The following C5orf22 variants were observed in gnomAD, a reference collection of about 807,000 sequenced individuals.
C5orf22 encodes the protein chromosome 5 open reading frame 22.
In C5orf22, 36 loss-of-function variants were observed where a neutral mutation model predicts 48.7. The observed-to-expected ratio is 0.74, with a 90% CI of 0.57 to 0.98. The LOEUF (loss-of-function observed/expected upper bound fraction) is 0.98, where lower values mean the gene tolerates loss of function less well. Ranked by LOEUF, C5orf22 falls within the 50% of genes least tolerant of loss-of-function variation. The pLI is 0.00. For missense variants in C5orf22, 486 were observed against 521.9 expected (o/e 0.93, Z 0.67); for synonymous variants, 141 against 180.8 (o/e 0.78, Z 1.76).
intron 6 of C5orf22, among the ~76,000 whole-genome samples, chr5:31,545,350 A>C (rs1742798331): frequency 6.6e-6 from 1 of 152,132 alleles, no homozygotes; most frequent in South Asian, 2.1e-4. Context: ...GAGCCACCGC[A>C]CCTGGCCTCA....
At position 31,551,370 on chromosome 5, in the gene C5orf22, T is replaced by G. The variant is rs773978943; in HGVS notation, c.1137T>G (p.Leu379=). The G allele has an allele frequency of 1.9e-6, 3 of 1,613,820 alleles. No homozygotes were observed. The highest frequency in any genetic ancestry group is 1.7e-6 in the Non-Finnish European group (2 of 1,179,914). ...HISTEQEIEC[L]IQSVHYLLKN... ...GCACAGAACAAGAAATAGAGTGTCTTATTCAATCTGTGCATTATTTGCTGA... is the reference window on the plus strand; with the variant it reads ...GCACAGAACAAGAAATAGAGTGTCTGATTCAATCTGTGCATTATTTGCTGA... Residue 379 remains leucine (L), a synonymous_variant, in exon 8 of 9, where the codon CTT becomes CTG. Transcript: ENST00000325366.
intron 3 of C5orf22, among the ~76,000 whole-genome samples, chr5:31,537,728 T>C (rs1742185993): frequency 6.6e-6 from 1 of 152,230 alleles, no homozygotes; most frequent in South Asian, 2.1e-4. Flanking sequence ...TTCAATGATT[T>C]TTTGGATAAA....
intron 7 of C5orf22, among the ~76,000 whole-genome samples, chr5:31,549,221 A>C (rs1279537455): frequency 6.6e-6 from 1 of 152,116 alleles, no homozygotes; most frequent in Non-Finnish European, 1.5e-5. Flanking sequence ...CTCTGTCTCA[A>C]AAAAAGTAAA....
chr5:31,541,198 G>T, intron 5 of C5orf22, 83 bp from the exon 6 acceptor site: 5 of 1,451,880 alleles, frequency 3.4e-6, no homozygotes, highest in Non-Finnish European at 4.7e-6. Flanking sequence ...TTAACTAATA[G>T]AGCCAAGTTT....
intron 7 of C5orf22, 137 bp downstream of exon 7, chr5:31,545,849 A>ATGTATG: frequency 1.7e-6 from 1 of 577,086 alleles, no homozygotes; most frequent in Non-Finnish European, 3.0e-6. Flanking sequence ...AAGAAAAGAA[A>ATGTATG]TGAGTGAAAA....
chr5:31,547,254 C>T (rs1742951503), intron 7 of C5orf22, among the ~76,000 whole-genome samples: 1 of 152,248 alleles, frequency 6.6e-6, no homozygotes, highest in South Asian at 2.1e-4. Context: ...TTGTCTTGGG[C>T]AGTTCTGCCC....
In C5orf22 at chr5:31,552,827, G is replaced by A. The variant is rs370836766; in HGVS notation, c.1254G>A (p.Lys418=). ...ACCAAGTTGACACTATTCAAGAAAAGGTCCTCAATATGCTACGTGCCCTCT... is the reference window on the plus strand; with the variant it reads ...ACCAAGTTGACACTATTCAAGAAAAAGTCCTCAATATGCTACGTGCCCTCT... ...PSDQVDTIQE[K]VLNMLRALYG... The change falls in exon 9 of 9, where the codon AAG becomes AAA. Residue 418 remains lysine, a synonymous_variant. Coordinates refer to ENST00000325366, the MANE Select transcript of C5orf22 (RefSeq NM_018356.3). 19 of 1,613,478 alleles carry A rather than the reference G, an allele frequency of 1.2e-5. No individual in the cohort carries two copies. In the African/African-American group the frequency reaches 1.5e-4, roughly 12 times the overall value.
intron 8 of C5orf22, 80 bp downstream of exon 8, chr5:31,551,512 T>C (rs532648445): frequency 6.1e-6 from 7 of 1,142,662 alleles, no homozygotes; most frequent in South Asian, 4.3e-5. Flanking sequence ...TGTTACATTA[T>C]ATGGCAAAAG....
intron 8 of C5orf22, 59 bp from the exon 9 acceptor site, chr5:31,552,714 C>T: frequency 6.7e-7 from 1 of 1,487,422 alleles, no homozygotes; most frequent in Non-Finnish European, 9.2e-7. Context: ...GCAGCTTTTC[C>T]TCACAGTATG....
chr5:31,551,729 G>C (rs1743280914), intron 8 of C5orf22, among the ~76,000 whole-genome samples: 1 of 152,156 alleles, frequency 6.6e-6, no homozygotes, highest in Non-Finnish European at 1.5e-5. Context: ...AGCTAGAAAA[G>C]GCCAGGGGAC....
rs777988949 is a variant in C5orf22, at chr5:31,553,631, C to T, written c.*729C>T. 1 of 151,800 alleles carries T rather than the reference C, an allele frequency of 6.6e-6. No individual in the cohort carries two copies. Among genetic ancestry groups the T allele is most frequent in the South Asian group, 2.1e-4 (1 of 4,804 alleles). 9.4% of individuals were successfully genotyped at this position (151,800 alleles called of 1,614,324 possible). On this transcript the variant is annotated 3_prime_UTR_variant, in exon 9 of 9. Coordinates refer to ENST00000325366, the MANE Select transcript of C5orf22 (RefSeq NM_018356.3). ...AAACTAACATTCTCAAAAGCTACTACCAAAAAAACCCCACAAATTTGCCAA... is the reference window on the plus strand; with the variant it reads ...AAACTAACATTCTCAAAAGCTACTATCAAAAAAACCCCACAAATTTGCCAA...
At position 31,534,522 on chromosome 5, in the gene C5orf22, G is replaced by GT. The variant is rs975353975; in HGVS notation, c.227+111dup. ...CTTTGCTAAACTCATGGGTTTGGGG[G>GT]TTTTTTGTTTGTCTTTTTGTCTTTT... On this transcript the variant is annotated intron_variant, in intron 2 of 8. Coordinates refer to ENST00000325366, the MANE Select transcript of C5orf22 (RefSeq NM_018356.3). The GT allele has an allele frequency of 9.7e-6, 10 of 1,029,328 alleles. No individual in the cohort carries two copies. The African/African-American group carries it at 1.5e-4, about 15-fold the overall frequency. 63.8% of individuals were successfully genotyped at this position (1,029,328 alleles called of 1,614,324 possible).
In C5orf22 at chr5:31,532,359, A is replaced by G. The variant is rs200459143; in HGVS notation, c.-34A>G. Reference sequence around the variant, plus strand: ...CTTTCCCGGGTCTTCTCCAGCTGCCACCGCTTTACTGCAAAACTGACGGGC... The same window carrying G: ...CTTTCCCGGGTCTTCTCCAGCTGCCGCCGCTTTACTGCAAAACTGACGGGC... On this transcript the variant is annotated 5_prime_UTR_variant, in exon 1 of 9. Transcript: ENST00000325366. 45 of 1,611,636 alleles carry G rather than the reference A, an allele frequency of 2.8e-5. No homozygotes were observed. In the South Asian group the frequency reaches 3.0e-4, roughly 11 times the overall value.
intron 3 of C5orf22, 128 bp from the exon 4 acceptor site, chr5:31,538,132 A>G (rs1742212323): frequency 4.4e-6 from 3 of 685,006 alleles, no homozygotes; most frequent in Non-Finnish European, 7.7e-6. Context: ...AAGAACAGGA[A>G]GTATAAATAC....
At position 31,546,131 on chromosome 5, in the gene C5orf22, AAG is replaced by A. The variant is rs1012547146; in HGVS notation, c.1059+426_1059+427del. ...TGTAAAAACCACAAGACAAAGAAAA[AAG>A]AGAGAGCTGTGACTAGCACATTTTA... On this transcript the variant is annotated intron_variant, in intron 7 of 8. Coordinates refer to ENST00000325366, the MANE Select transcript of C5orf22 (RefSeq NM_018356.3). Among the ~76,000 whole-genome samples the A allele has an allele frequency of 5.9e-5, 9 of 152,190 alleles. No individual in the cohort carries two copies. In the East Asian group the frequency reaches 1.3e-3, roughly 23 times the overall value.
chr5:31,548,911 T>G (rs1172023644), intron 7 of C5orf22, among the ~76,000 whole-genome samples: 1 of 152,164 alleles, frequency 6.6e-6, no homozygotes, highest in Non-Finnish European at 1.5e-5. Flanking sequence ...GCAGCGAGAC[T>G]TGTGTTTTTA....
At chr5:31,540,912 T>C (rs750770820) in intron 4 of C5orf22, 37 bp from the exon 5 acceptor site, 4 of 1,510,098 alleles carry the variant, frequency 2.6e-6, no homozygotes, top group South Asian at 1.2e-5. Context: ...TTAACTTTTT[T>C]TTTTCTGGTA....
rs1421793733 is a variant in C5orf22 at position 31,538,685 on chromosome 5, C to T, written c.803C>T (p.Thr268Ile). The T allele has an allele frequency of 1.9e-6, 3 of 1,606,000 alleles. No homozygotes were observed. The highest frequency in any genetic ancestry group is 2.2e-5 in the South Asian group (2 of 90,358). ...SVKNPFKEMF[T>I]QEEYKILQEL... is the part of the protein sequence containing the mutation. ...AAGAATCCCTTCAAAGAAATGTTCA[C>T]TCAGGTAAATAATTGTGTTTTTAAC... Residue 268 changes from threonine to isoleucine, a missense_variant, in exon 4 of 9, where the codon ACT becomes ATT. This residue lies in a region of C5orf22 where 408 missense variants were observed against 444.0 expected (regional missense o/e 0.92). Coordinates refer to ENST00000325366, the MANE Select transcript of C5orf22 (RefSeq NM_018356.3).
chr5:31,532,797 T>C (rs1266877786), intron 1 of C5orf22, among the ~76,000 whole-genome samples: 2 of 152,078 alleles, frequency 1.3e-5, no homozygotes, highest in Non-Finnish European at 2.9e-5. Context: ...CAGTTAACTC[T>C]GGCTTCCAAG....
Sources: gnomAD v4.1 joint callset for allele counts (sites outside exome capture counted in the v4.1 genomes callset) on GRCh38, gnomAD v4.1.1 for gene constraint, gnomAD v4.1.1 regional missense constraint, MANE v1.5 for transcripts, NCBI Gene and HGNC (gene_info 2026-07-23, HGNC 2026-07-21) for gene names.